Variants in ILDR1 observed in about 807,000 individuals in gnomAD.
ILDR1 encodes immunoglobulin-like domain-containing receptor 1.
In ILDR1, 56 loss-of-function variants were observed where a neutral mutation model predicts 62.4. The ratio of observed to expected loss-of-function variants is 0.90; its 90% CI spans 0.72 to 1.12. The LOEUF (loss-of-function observed/expected upper bound fraction) is 1.12. ILDR1 is among the 50% of genes most tolerant of loss of function. The probability of loss-of-function intolerance (pLI) is 0.00; values close to 1 mark genes in which losing one functional copy is unlikely to be tolerated. For missense variants in ILDR1, 736 were observed against 710.6 expected (o/e 1.04, Z -0.41); for synonymous variants, 284 against 277.8 (o/e 1.02, Z -0.22).
chr3:122,006,299 T>A (rs917828993), intron 2 of ILDR1, among the ~76,000 whole-genome samples: 6 of 152,196 alleles, frequency 3.9e-5, no homozygotes, highest in Non-Finnish European at 8.8e-5. Context: ...ATTGTCTTGG[T>A]GCTAACAGTG....
In ILDR1 at chr3:122,001,421, G is replaced by A; in HGVS notation, c.533C>T (p.Ala178Val). 1 of 1,614,092 alleles carries A rather than the reference G, an allele frequency of 6.2e-7. No homozygotes were observed. The highest frequency in any genetic ancestry group is 8.5e-7 in the Non-Finnish European group (1 of 1,180,002). ...TCCAATCAGCAGCAGGAGGAGGAGGGCTCCCAGGATGATGAAGATCACTGT... is the reference window on the plus strand; with the variant it reads ...TCCAATCAGCAGCAGGAGGAGGAGGACTCCCAGGATGATGAAGATCACTGT... ...WLTVIFIILG[A>V]LLLLLLIGVC... is the part of the protein sequence containing the mutation. Residue 178 changes from alanine to valine, a missense_variant, in exon 5 of 8, where the codon GCC (alanine) becomes GTC (valine). Ala to Val is a moderately conservative substitution (Grantham distance 64, BLOSUM62 0). Transcript: ENST00000344209.
the ILDR1 span, among the ~76,000 whole-genome samples, chr3:122,046,175 T>G: frequency 6.6e-6 from 1 of 151,668 alleles, no homozygotes; most frequent in Non-Finnish European, 1.5e-5. Flanking sequence ...CCTTCACTTA[T>G]GAAGCTTAGT....
chr3:122,026,953 G>T (rs984721126), upstream of ILDR1, among the ~76,000 whole-genome samples: 2 of 152,080 alleles, frequency 1.3e-5, no homozygotes, highest in Non-Finnish European at 2.9e-5. Flanking sequence ...AAGAGAGGTT[G>T]CTGGAAACAA....
chr3:122,048,443 T>C, the ILDR1 span, among the ~76,000 whole-genome samples: 1 of 152,186 alleles, frequency 6.6e-6, no homozygotes. Flanking sequence ...CCTTGTAAAA[T>C]GAGTTTGGAA....
At chr3:122,041,726 G>C in the ILDR1 span, among the ~76,000 whole-genome samples, 10 of 151,908 alleles carry the variant, frequency 6.6e-5, no homozygotes, top group Non-Finnish European at 1.2e-4. Flanking sequence ...TTAGTGTATA[G>C]AAAAGCAACT....
intron 5 of ILDR1, among the ~76,000 whole-genome samples, chr3:122,000,253 GAA>G (rs757632692): frequency 3.9e-5 from 5 of 126,724 alleles, no homozygotes; most frequent in Admixed American, 7.9e-5. Flanking sequence ...AGTTAAGGAG[GAA>G]AAAAAAAAAA....
the ILDR1 span, among the ~76,000 whole-genome samples, chr3:122,056,391 G>A: frequency 6.6e-6 from 1 of 152,260 alleles, no homozygotes; most frequent in South Asian, 2.1e-4. Context: ...CTGGAGTGCA[G>A]TGGCGCAATC....
At chr3:121,996,812 T>G (rs1023270492) in intron 5 of ILDR1, among the ~76,000 whole-genome samples, 2 of 152,186 alleles carry the variant, frequency 1.3e-5, no homozygotes, top group Non-Finnish European at 1.5e-5. Context: ...TGCTGAGGAT[T>G]CTCAACAACC....
At chr3:122,052,205 T>C in the ILDR1 span, among the ~76,000 whole-genome samples, 1 of 152,314 alleles carries the variant, frequency 6.6e-6, no homozygotes, top group South Asian at 2.1e-4. Context: ...TCCTCTGAAA[T>C]AGCATCATGC....
the ILDR1 span, among the ~76,000 whole-genome samples, chr3:122,045,657 C>G: frequency 6.6e-6 from 1 of 151,710 alleles, no homozygotes; most frequent in Admixed American, 6.6e-5. Flanking sequence ...GAATTGATCC[C>G]TTTACCATTA....
intron 3 of ILDR1, among the ~76,000 whole-genome samples, chr3:122,003,986 A>T (rs979350707): frequency 2.6e-5 from 4 of 152,106 alleles, no homozygotes; most frequent in African/African-American, 9.7e-5. Flanking sequence ...GATGTACCCT[A>T]AAACTGAGGG....
the ILDR1 span, among the ~76,000 whole-genome samples, chr3:122,050,801 CTCTT>C: frequency 6.6e-6 from 1 of 152,096 alleles, no homozygotes; most frequent in Non-Finnish European, 1.5e-5. Context: ...TTCAAGGACT[CTCTT>C]TAGCATTTCT....
At chr3:122,039,310 G>A in the ILDR1 span, among the ~76,000 whole-genome samples, 2 of 151,968 alleles carry the variant, frequency 1.3e-5, no homozygotes, top group Non-Finnish European at 2.9e-5. Context: ...TCACTTCTAG[G>A]TACGTTAGAT....
At chr3:122,032,122 T>G in the ILDR1 span, among the ~76,000 whole-genome samples, 1 of 152,186 alleles carries the variant, frequency 6.6e-6, no homozygotes, top group Non-Finnish European at 1.5e-5. Flanking sequence ...TAACCCTGCT[T>G]AATTATTCCC....
the ILDR1 span, among the ~76,000 whole-genome samples, chr3:122,047,557 G>C: frequency 1.3e-5 from 2 of 152,316 alleles, no homozygotes; most frequent in East Asian, 3.9e-4. Context: ...TGTGCTAGCA[G>C]TCAGCGAGAT....
intron 1 of ILDR1, among the ~76,000 whole-genome samples, chr3:122,013,111 G>A (rs2071728230): frequency 6.6e-6 from 1 of 152,170 alleles, no homozygotes; most frequent in African/African-American, 2.4e-5. Flanking sequence ...AAAACAGAAG[G>A]AAACACACCA....
At chr3:122,033,646 C>A in the ILDR1 span, among the ~76,000 whole-genome samples, 1 of 152,078 alleles carries the variant, frequency 6.6e-6, no homozygotes, top group Admixed American at 6.5e-5. Flanking sequence ...TTTAGATCTA[C>A]AATCCACGTG....
At chr3:122,042,560 A>G in the ILDR1 span, among the ~76,000 whole-genome samples, 1 of 146,990 alleles carries the variant, frequency 6.8e-6, no homozygotes, top group Admixed American at 6.8e-5. Flanking sequence ...CTATTTCTCC[A>G]CATCCTCTCC....
chr3:122,048,196 T>C, the ILDR1 span, among the ~76,000 whole-genome samples: 2,337 of 152,322 alleles, frequency 0.015, 68 homozygotes, highest in African/African-American at 0.053. Context: ...GTATTTTTTC[T>C]GTGTCTATTG....
Sources: gnomAD v4.1 joint callset for allele counts (sites outside exome capture counted in the v4.1 genomes callset) on GRCh38, gnomAD v4.1.1 for gene constraint, MANE v1.5 for transcripts, NCBI Gene and HGNC (gene_info 2026-07-23, HGNC 2026-07-21) for gene names.